DNM1L: variants seen among roughly 807,000 people sequenced by gnomAD.
DNM1L encodes the protein dynamin-1-like protein.
Under a neutral mutation model 92.8 loss-of-function variants are expected in DNM1L, and 33 were observed. The observed-to-expected ratio is 0.36, with a 90% confidence interval of 0.27 to 0.48. The LOEUF (loss-of-function observed/expected upper bound fraction) is 0.48. DNM1L is among the 20% of genes least tolerant of loss of function. The pLI is 0.99. For synonymous variants in DNM1L, 284 were observed against 305.0 expected (o/e 0.93, Z 0.72); for missense variants, 485 against 888.8 (o/e 0.55, Z 5.78).
intron 16 of DNM1L, among the ~76,000 whole-genome samples, chr12:32,738,545 A>G (rs1378669658): frequency 6.6e-6 from 1 of 152,206 alleles, no homozygotes; most frequent in Non-Finnish European, 1.5e-5. Context: ...TTGGTAGGAA[A>G]TTCAGAGATT....
intron 9 of DNM1L, among the ~76,000 whole-genome samples, chr12:32,723,693 C>CAAAA (rs1172541097): frequency 2.9e-4 from 16 of 55,970 alleles, no homozygotes; most frequent in Non-Finnish European, 4.9e-4. Context: ...GACTCTGTCT[C>CAAAA]AAAAAAAAAA....
intron 13 of DNM1L, among the ~76,000 whole-genome samples, chr12:32,735,556 A>G (rs1023030663): frequency 1.1e-4 from 17 of 152,172 alleles, no homozygotes; most frequent in African/African-American, 4.1e-4. Flanking sequence ...AATTGGGTCA[A>G]ATTTCTGTCA....
At chr12:32,680,109 A>G in intron 1 of DNM1L, 1 of 747,978 alleles carries the variant, frequency 1.3e-6, no homozygotes, top group Non-Finnish European at 1.6e-6. Flanking sequence ...TTGGGAAGGA[A>G]TATCCGATTT....
chr12:32,697,886 A>AT (rs1175206405), intron 1 of DNM1L, among the ~76,000 whole-genome samples: 1 of 152,224 alleles, frequency 6.6e-6, no homozygotes, highest in African/African-American at 2.4e-5. Context: ...GGAAAGTCTC[A>AT]TAAAAAAAGA....
chr12:32,740,544 G>A (rs775686328), intron 18 of DNM1L, 26 bp downstream of exon 18: 10 of 1,550,360 alleles, frequency 6.5e-6, no homozygotes, highest in Middle Eastern at 3.4e-4. Flanking sequence ...TATAAATGAC[G>A]GACTTTAATA....
chr12:32,740,368 T>G, intron 17 of DNM1L, 41 bp from the exon 18 acceptor site: 5 of 1,609,328 alleles, frequency 3.1e-6, no homozygotes, highest in Non-Finnish European at 4.3e-6. Flanking sequence ...GCCATTTTAG[T>G]GTCACAAAAG....
intron 14 of DNM1L, chr12:32,737,568 G>C: frequency 2.3e-6 from 1 of 426,734 alleles, no homozygotes. Context: ...ATACTAAAGT[G>C]TGTATAAAAA....
chr12:32,694,478 T>G lies in DNM1L; in HGVS notation c.103-6937T>G, dbSNP rs10844305. Among the ~76,000 whole-genome samples the G allele has an allele frequency of 1.1e-3, 167 of 152,242 alleles. 2 individuals carry two copies. The highest frequency in any genetic ancestry group is 2.1e-3 in the South Asian group (10 of 4,830). Reference sequence around the variant, plus strand: ...TAGCAGAATAATGTTTTTAGATTCATCCATGTTGGAGCGTGCATCGGTACC... The same window carrying G: ...TAGCAGAATAATGTTTTTAGATTCAGCCATGTTGGAGCGTGCATCGGTACC... On this transcript the variant is annotated intron_variant, in intron 1 of 19. Transcript: ENST00000549701.
intron 9 of DNM1L, chr12:32,727,200 A>T (rs1474154907): frequency 3.8e-6 from 4 of 1,064,164 alleles, no homozygotes; most frequent in Admixed American, 1.7e-5. Context: ...TGTATTAGTA[A>T]TCTCAGATTG....
chr12:32,717,862 TA>T (rs1953561928), intron 6 of DNM1L, among the ~76,000 whole-genome samples: 1 of 113,008 alleles, frequency 8.8e-6, no homozygotes, highest in Non-Finnish European at 1.6e-5. Context: ...AAATATACTA[TA>T]TATAGTATAT....
chr12:32,700,223 A>G (rs7968325), intron 1 of DNM1L, among the ~76,000 whole-genome samples: 57,432 of 151,768 alleles, frequency 0.38, 13,226 homozygotes, highest in African/African-American at 0.65. Context: ...GGGTTCAAGC[A>G]ATTCTCCTGC....
chr12:32,739,937 A>G lies in DNM1L; in HGVS notation c.1708-127A>G, dbSNP rs984725819. On this transcript the variant is annotated intron_variant, in intron 16 of 19. Coordinates refer to ENST00000549701, the MANE Select transcript of DNM1L (RefSeq NM_012062.5). ...CTACCTAGTGTCTCCTTCTGACCTC[A>G]TTATCTGTCTGAATAAACTTCAGAT... 9 of 1,219,310 alleles carry G rather than the reference A, an allele frequency of 7.4e-6. No homozygotes were observed. The African/African-American group carries it at 1.2e-4, about 16-fold the overall frequency. The allele number at this position is 1,219,310 out of a possible 1,614,324, so 75.5% of individuals were successfully genotyped here. A position where few individuals can be genotyped will look rare whatever the true frequency, so the allele number is the denominator to read the frequency against.
At chr12:32,687,607 T>A (rs528110173) in intron 1 of DNM1L, among the ~76,000 whole-genome samples, 2 of 151,904 alleles carry the variant, frequency 1.3e-5, no homozygotes, top group Admixed American at 1.3e-4. Context: ...CACGCCGGGC[T>A]ATTTTTTTTG....
At chr12:32,707,845 G>A (rs1952985299) in intron 3 of DNM1L, among the ~76,000 whole-genome samples, 1 of 151,940 alleles carries the variant, frequency 6.6e-6, no homozygotes, top group Non-Finnish European at 1.5e-5. Flanking sequence ...TAGCTACTTG[G>A]AAGGCTGAGT....
chr12:32,743,477 A>C lies in DNM1L; in HGVS notation c.*67A>C. 3.4e-6 allele frequency: 5 copies of C among 1,464,962 alleles called. No individual in the cohort carries two copies. Among genetic ancestry groups the C allele is most frequent in the Non-Finnish European group, 4.8e-6 (5 of 1,047,478 alleles). The allele number at this position is 1,464,962 out of a possible 1,614,324, so 90.7% of individuals were successfully genotyped here. A position where few individuals can be genotyped will look rare whatever the true frequency, so the allele number is the denominator to read the frequency against. The stretch of plus-strand genomic sequence containing the variant: ...GCTAGTTACTGCCTACCTGAGTAGA[A>C]TCTTATTTATGAACTCCTGTGTATT... On this transcript the variant is annotated 3_prime_UTR_variant, in exon 20 of 20. Transcript: ENST00000549701.
At chr12:32,705,025 A>G (rs1460438079) in intron 2 of DNM1L, among the ~76,000 whole-genome samples, 1 of 131,656 alleles carries the variant, frequency 7.6e-6, no homozygotes, top group African/African-American at 3.1e-5. Flanking sequence ...TTTTTTTTTA[A>G]GGCAGAGTCT....
At chr12:32,679,563 C>T in intron 1 of DNM1L, 98 bp downstream of exon 1, 2 of 1,460,342 alleles carry the variant, frequency 1.4e-6, no homozygotes, top group Non-Finnish European at 1.9e-6. Context: ...CCCACTCCCG[C>T]GCCAGCCTTT....
intron 1 of DNM1L, among the ~76,000 whole-genome samples, chr12:32,684,875 T>C (rs963676222): frequency 2.6e-5 from 4 of 152,212 alleles, no homozygotes; most frequent in African/African-American, 9.6e-5. Context: ...TTGTTTCTAT[T>C]TTTTGGCTAT....
At chr12:32,688,992 G>A (rs1200510835) in intron 1 of DNM1L, among the ~76,000 whole-genome samples, 1 of 152,150 alleles carries the variant, frequency 6.6e-6, no homozygotes, top group African/African-American at 2.4e-5. Context: ...AGCCCAGGAG[G>A]TTGAGGGCTG....
Sources: gnomAD v4.1 joint callset for allele counts (sites outside exome capture counted in the v4.1 genomes callset) on GRCh38, gnomAD v4.1.1 for gene constraint, MANE v1.5 for transcripts, NCBI Gene and HGNC (gene_info 2026-07-23, HGNC 2026-07-21) for gene names.